The following CCDC88C variants were observed in gnomAD, a reference collection of about 807,000 sequenced individuals.
The protein encoded by CCDC88C is coiled-coil and HOOK domain protein 88C.
Under a neutral mutation model 198.8 loss-of-function variants are expected in CCDC88C, and 131 were observed. The observed-to-expected ratio is 0.66, with a 90% confidence interval of 0.57 to 0.76. The LOEUF (loss-of-function observed/expected upper bound fraction) is 0.76. Ranked by LOEUF, CCDC88C falls within the 30% of genes least tolerant of loss-of-function variation. CCDC88C has a pLI of 0.00. For synonymous variants in CCDC88C, 1,166 were observed against 1,114.7 expected (o/e 1.05, Z -0.92); for missense variants, 2,553 against 2,631.6 (o/e 0.97, Z 0.65).
At chr14:91,289,602 G>A (rs920794268) in intron 24 of CCDC88C, among the ~76,000 whole-genome samples, 4 of 152,214 alleles carry the variant, frequency 2.6e-5, no homozygotes, top group Non-Finnish European at 4.4e-5. Context: ...TAGTCTCCCA[G>A]GATGAAGGAA....
At chr14:91,396,328 T>TG (rs1044561644) in intron 3 of CCDC88C, among the ~76,000 whole-genome samples, 4 of 152,158 alleles carry the variant, frequency 2.6e-5, no homozygotes, top group African/African-American at 9.7e-5. Context: ...GAAACCTCTG[T>TG]TTTTTCTTTT....
chr14:91,330,086 G>T (rs1686856183), intron 10 of CCDC88C, among the ~76,000 whole-genome samples: 1 of 152,242 alleles, frequency 6.6e-6, no homozygotes. Flanking sequence ...GAGCCACAAG[G>T]TGCATGGGGC....
chr14:91,339,756 C>T lies in CCDC88C; in HGVS notation c.624+128G>A, dbSNP rs557858687. On this transcript the variant is annotated intron_variant, in intron 7 of 29. Transcript: ENST00000389857. This position sits in a 1 kb window ranked among gnomAD's most constrained non-coding sequence, Gnocchi z 5.8. ...GCAGGGGCCGTAACCAGGGAAAGCA[C>T]GCACGTCCCACCCCCACCAGAACCT... is the stretch of plus-strand genomic sequence containing the variant. The T allele has an allele frequency of 1.4e-5, 16 of 1,176,554 alleles. No homozygotes were observed. Among genetic ancestry groups the T allele is most frequent in the Non-Finnish European group, 1.7e-5 (15 of 862,104 alleles). The allele number at this position is 1,176,554 out of a possible 1,614,324, so 72.9% of individuals were successfully genotyped here.
intron 3 of CCDC88C, among the ~76,000 whole-genome samples, chr14:91,368,840 C>T (rs922886281): frequency 1.3e-5 from 2 of 152,318 alleles, no homozygotes; most frequent in East Asian, 3.9e-4. Flanking sequence ...AGAAGCAGCC[C>T]CTGAATGCAC....
At chr14:91,298,914 TG>T (rs1420641429) in intron 21 of CCDC88C, among the ~76,000 whole-genome samples, 2 of 152,254 alleles carry the variant, frequency 1.3e-5, no homozygotes. Context: ...CTAGAAACAC[TG>T]ACTCGGAACA....
chr14:91,416,309 G>A (rs1887043272), intron 2 of CCDC88C, among the ~76,000 whole-genome samples: 1 of 152,148 alleles, frequency 6.6e-6, no homozygotes, highest in Admixed American at 6.5e-5. Flanking sequence ...CAGAAACACA[G>A]ACACCCTCAT....
chr14:91,319,001 C>T, intron 13 of CCDC88C, among the ~76,000 whole-genome samples: 1 of 151,652 alleles, frequency 6.6e-6, no homozygotes, highest in East Asian at 1.9e-4. Context: ...AATGACACTG[C>T]CAGGACTCAC....
At chr14:91,283,592 AGAAGCAGG>A in intron 25 of CCDC88C, 75 bp from the exon 26 acceptor site, 5 of 1,412,188 alleles carry the variant, frequency 3.5e-6, no homozygotes, top group Middle Eastern at 1.8e-4. Flanking sequence ...ACCATGGCCT[AGAAGCAGG>A]GCAGCAGGGC....
rs1393804814 is a variant in CCDC88C, at chr14:91,273,190, CCTGT to C, written c.5518_5521del (p.Thr1840AlafsTer224). On this transcript the variant is annotated frameshift_variant, in exon 30 of 30. Transcript: ENST00000389857. LOFTEE classifies it low-confidence loss of function (END_TRUNC). This position sits in a 1 kb window ranked among gnomAD's most constrained non-coding sequence, Gnocchi z 5.6. ...TGCGGGGCTTTGCAGGGTGTGGCTGCCTGTCTCTCTGCCCCCTAAGGCCTCAGGA... is the reference window on the plus strand; with the variant it reads ...TGCGGGGCTTTGCAGGGTGTGGCTGCCTCTCTGCCCCCTAAGGCCTCAGGA... 1.9e-6 allele frequency: 3 copies of C among 1,576,318 alleles called. No homozygotes were observed. Among genetic ancestry groups the C allele is most frequent in the Admixed American group, 1.8e-5 (1 of 54,624 alleles).
At chr14:91,392,172 A>G (rs1305427386) in intron 3 of CCDC88C, among the ~76,000 whole-genome samples, 1 of 152,124 alleles carries the variant, frequency 6.6e-6, no homozygotes, top group Admixed American at 6.5e-5. Flanking sequence ...CCACCTCCAG[A>G]GGTTCCAGCT....
At chr14:91,304,981 G>A (rs1891497824) in intron 19 of CCDC88C, among the ~76,000 whole-genome samples, 1 of 152,130 alleles carries the variant, frequency 6.6e-6, no homozygotes, top group African/African-American at 2.4e-5. Context: ...GGTGGCTCAC[G>A]CCTGTAATCC....
rs17127206 is a variant in CCDC88C, at chr14:91,279,729, C to T, written c.4700-423G>A. ...ATGTGGACAGCCGAGGCCGAGGCCA[C>T]GGGAAGAGAGATGAGGACCGTTCAG... On this transcript the variant is annotated intron_variant, in intron 27 of 29. Coordinates refer to ENST00000389857, the MANE Select transcript of CCDC88C (RefSeq NM_001080414.4). 9.0e-3 allele frequency: 1,434 copies of T among 158,902 alleles called. 24 individuals are homozygous for T. The highest frequency in any genetic ancestry group is 0.032 in the African/African-American group (1,321 of 41,610). The allele number at this position is 158,902 out of a possible 1,614,324, so 9.8% of individuals were successfully genotyped here. A position where few individuals can be genotyped will look rare whatever the true frequency, so the allele number is the denominator to read the frequency against.
At position 91,273,365 on chromosome 14, in the gene CCDC88C, G is replaced by T; in HGVS notation, c.5347C>A (p.Arg1783=). The T allele has an allele frequency of 1.3e-6, 2 of 1,534,704 alleles. No homozygotes were observed. Among genetic ancestry groups the T allele is most frequent in the Non-Finnish European group, 1.8e-6 (2 of 1,139,382 alleles). Residue 1783 remains arginine, a synonymous_variant, in exon 30 of 30, where the codon CGG becomes AGG. Coordinates refer to ENST00000389857, the MANE Select transcript of CCDC88C (RefSeq NM_001080414.4). The surrounding 1 kb of genome is among the most constrained non-coding windows in gnomAD (Gnocchi z 5.6). ...PPQSLSLGRP[R]QAPVPPASHA... is the part of the protein sequence containing the mutation. ...GAAGCTGGGGGCACCGGAGCCTGCC[G>T]GGGTCTGCCCAGAGACAGGCTCTGG...
rs757120575 is a variant in CCDC88C, at chr14:91,272,975, C to T, written c.5737G>A (p.Ala1913Thr). Residue 1913 changes from alanine (A) to threonine (T), a missense_variant, in exon 30 of 30, where the codon GCT becomes ACT. Around this residue, in one of 2 missense-constraint regions of CCDC88C, gnomAD observed 1,293 missense variants for 1,219.6 expected, o/e 1.06. Coordinates refer to ENST00000389857, the MANE Select transcript of CCDC88C (RefSeq NM_001080414.4). Reference sequence around the variant, plus strand: ...CCACTGCCAGCAGCAGCAGCACCAGCACCTGCAGTGGCAATGGCGGGGGCT... The same window carrying T: ...CCACTGCCAGCAGCAGCAGCACCAGTACCTGCAGTGGCAATGGCGGGGGCT... The part of the protein sequence containing the change: ...ATAPAIATAG[A>T]GAAAAGSGSN... 6.4e-7 allele frequency: 1 copy of T among 1,557,146 alleles called. No individual in the cohort carries two copies. The highest frequency in any genetic ancestry group is 1.2e-5 in the South Asian group (1 of 85,638).
At chr14:91,391,098 C>A (rs192589136) in intron 3 of CCDC88C, among the ~76,000 whole-genome samples, 6 of 152,314 alleles carry the variant, frequency 3.9e-5, no homozygotes, top group Admixed American at 3.9e-4. Flanking sequence ...ACAATGGCAG[C>A]CACACACCAG....
chr14:91,359,222 G>A (rs1390888698), intron 4 of CCDC88C, among the ~76,000 whole-genome samples: 1 of 134,790 alleles, frequency 7.4e-6, no homozygotes, highest in East Asian at 2.1e-4. Flanking sequence ...GGAGTGCAGT[G>A]GCACAATCTC....
chr14:91,365,523 C>T (rs1384212641), intron 3 of CCDC88C, among the ~76,000 whole-genome samples: 3 of 152,210 alleles, frequency 2.0e-5, no homozygotes, highest in Non-Finnish European at 4.4e-5. Context: ...CTATCTGGGA[C>T]TTAGAAATGG....
At chr14:91,323,478 G>C (rs1413417857) in intron 12 of CCDC88C, among the ~76,000 whole-genome samples, 2 of 152,182 alleles carry the variant, frequency 1.3e-5, no homozygotes, top group South Asian at 2.1e-4. Context: ...AGAAGCCAAG[G>C]CTTTATGCCA....
intron 27 of CCDC88C, 58 bp from the exon 28 acceptor site, chr14:91,279,364 G>T: frequency 7.1e-7 from 1 of 1,409,094 alleles, no homozygotes; most frequent in Non-Finnish European, 9.8e-7. Context: ...TATCCCAGAT[G>T]AGCCATCTAA....
Sources: allele counts gnomAD v4.1 joint callset (sites outside exome capture counted in the v4.1 genomes callset), GRCh38; gene constraint gnomAD v4.1.1; regional missense constraint gnomAD v4.1.1; non-coding constraint Gnocchi (gnomAD v3.1); transcripts MANE v1.5; gene names NCBI Gene and HGNC (gene_info 2026-07-23, HGNC 2026-07-21).